The following EVA1A variants were observed in gnomAD, a reference collection of about 807,000 sequenced individuals.
The protein encoded by EVA1A is eva-1 homolog A, regulator of programmed cell death.
In EVA1A, 7 loss-of-function variants were observed where a neutral mutation model predicts 9.8. The observed-to-expected ratio is 0.71, with a 90% CI of 0.41 to 1.34. The LOEUF is 1.34. Among genes scored for constraint, EVA1A ranks in the 40% most tolerant of loss-of-function variants. The pLI, the probability that EVA1A is intolerant of heterozygous loss-of-function variation, is 0.01. For synonymous variants in EVA1A, 90 were observed against 85.6 expected, an observed-to-expected ratio of 1.05 and a Z score of -0.28; for missense variants, 206 against 205.9, an observed-to-expected ratio of 1.00 and a Z score of 0.00.
chr2:75,544,360 A>G (rs1660406610), intron 1 of EVA1A, among the ~76,000 whole-genome samples: 1 of 152,218 alleles, frequency 6.6e-6, no homozygotes, highest in Non-Finnish European at 1.5e-5. Flanking sequence ...TGACCACATA[A>G]CATGCTGTAC....
In EVA1A at chr2:75,493,071, TTGGCCAAAAAGGAGCAATCCTCC is replaced by T; in HGVS notation, c.*142_*164del. On this transcript the variant is annotated 3_prime_UTR_variant, in exon 4 of 4. Coordinates refer to ENST00000393913, the MANE Select transcript of EVA1A (RefSeq NM_001135032.2). Reference sequence around the variant, plus strand: ...TTGATTTTTCTACTTCTCCATACATTTGGCCAAAAAGGAGCAATCCTCCTGGCTAGAAAAGGGGCATGTCCTGC... The same window carrying T: ...TTGATTTTTCTACTTCTCCATACATTTGGCTAGAAAAGGGGCATGTCCTGC... 1.0e-6 allele frequency: 1 copy of T among 993,978 alleles called. No individual in the cohort carries two copies. Among genetic ancestry groups the T allele is most frequent in the Non-Finnish European group, 1.5e-6 (1 of 676,994 alleles). The allele number at this position is 993,978 out of a possible 1,614,324, so 61.6% of individuals were successfully genotyped here.
chr2:75,504,272 G>T (rs1177841343), intron 3 of EVA1A, among the ~76,000 whole-genome samples: 1 of 151,996 alleles, frequency 6.6e-6, no homozygotes. Flanking sequence ...TTAGCTGGGC[G>T]TGGTGGTGGG....
intron 1 of EVA1A, among the ~76,000 whole-genome samples, chr2:75,525,672 G>A (rs1216029691): frequency 1.3e-5 from 2 of 152,194 alleles, no homozygotes; most frequent in Non-Finnish European, 2.9e-5. Flanking sequence ...TCAGACATGG[G>A]CCTTAAAACA....
intron 1 of EVA1A, among the ~76,000 whole-genome samples, chr2:75,536,116 T>C (rs529265826): frequency 3.3e-5 from 5 of 152,270 alleles, no homozygotes; most frequent in African/African-American, 9.6e-5. Context: ...GGCGGGCAGA[T>C]TGCTTGAGCC....
At chr2:75,553,167 TCTC>T (rs929014043) in intron 1 of EVA1A, among the ~76,000 whole-genome samples, 2 of 152,260 alleles carry the variant, frequency 1.3e-5, no homozygotes, top group African/African-American at 4.8e-5. Flanking sequence ...AGGCTCCACT[TCTC>T]CTCTCATCAG....
chr2:75,505,790 G>A (rs1474664383), intron 3 of EVA1A, among the ~76,000 whole-genome samples: 1 of 151,886 alleles, frequency 6.6e-6, no homozygotes, highest in Non-Finnish European at 1.5e-5. Context: ...CTCCAGCCTG[G>A]AAGACAGAGA....
At chr2:75,536,934 G>T (rs1675927898) in intron 1 of EVA1A, among the ~76,000 whole-genome samples, 1 of 152,140 alleles carries the variant, frequency 6.6e-6, no homozygotes, top group African/African-American at 2.4e-5. Context: ...TCAGAGAAGA[G>T]GGGATACTTC....
chr2:75,520,553 G>A (rs879795002), intron 2 of EVA1A, among the ~76,000 whole-genome samples: 2 of 152,074 alleles, frequency 1.3e-5, no homozygotes, highest in African/African-American at 4.8e-5. Flanking sequence ...ATATATATAT[G>A]TTCAAATTAT....
upstream of EVA1A, among the ~76,000 whole-genome samples, chr2:75,564,876 T>C (rs1257285281): frequency 6.6e-6 from 1 of 152,162 alleles, no homozygotes; most frequent in Admixed American, 6.5e-5. Flanking sequence ...CAGACTTTGA[T>C]TACCCCCATT....
chr2:75,560,932 GAGTCAGTGGGAGGAAAA>G (rs1405968736), exon 1 of EVA1A: 1 of 152,988 alleles, frequency 6.5e-6, no homozygotes, highest in African/African-American at 2.4e-5. Flanking sequence ...GCAGGAGCCC[GAGTCAGTGGGAGGAAAA>G]GGTTGTCTCA....
Position 75,495,494 on chromosome 2 carries a change from A to G in EVA1A, c.86-1885T>C, listed in dbSNP as rs183241633. ...TGGCTTGTTCCAGGTCACGCTCACA[A>G]AGGTAATGGCATTAAGTTGTGTTTT... On this transcript the variant is annotated intron_variant, in intron 3 of 3. Coordinates refer to ENST00000393913, the MANE Select transcript of EVA1A (RefSeq NM_001135032.2). Among the ~76,000 whole-genome samples, 409 of 152,328 alleles carry G rather than the reference A, an allele frequency of 2.7e-3. 5 individuals are homozygous for G. The highest frequency in any genetic ancestry group is 9.5e-3 in the African/African-American group (396 of 41,576).
intron 3 of EVA1A, among the ~76,000 whole-genome samples, chr2:75,510,157 G>A (rs1674759909): frequency 6.6e-6 from 1 of 152,060 alleles, no homozygotes. Flanking sequence ...ATGAGCAAGT[G>A]TGATTCTATT....
intron 1 of EVA1A, among the ~76,000 whole-genome samples, chr2:75,545,084 T>G (rs1676281104): frequency 6.6e-6 from 1 of 152,236 alleles, no homozygotes; most frequent in South Asian, 2.1e-4. Flanking sequence ...GTTGGTTTGC[T>G]CTGTTATAGT....
At chr2:75,499,569 C>G (rs776402553) in intron 3 of EVA1A, among the ~76,000 whole-genome samples, 6 of 152,306 alleles carry the variant, frequency 3.9e-5, no homozygotes, top group African/African-American at 1.4e-4. Context: ...GATAAAATAT[C>G]TCCCAAGGGT....
rs1426087684 is a variant in EVA1A at position 75,492,418 on chromosome 2, A to AAC, written c.*817_*818insGT. On this transcript the variant is annotated 3_prime_UTR_variant, in exon 4 of 4. Coordinates refer to ENST00000393913, the MANE Select transcript of EVA1A (RefSeq NM_001135032.2). Reference sequence around the variant, plus strand: ...TTTTCTTTGAAATCCAATTAAAAAAAAAAAAAAAAACAAAGTGTTTAAAAT... The same window carrying AAC: ...TTTTCTTTGAAATCCAATTAAAAAAAACAAAAAAAAAACAAAGTGTTTAAAAT... 1 of 151,928 alleles carries AAC rather than the reference A, an allele frequency of 6.6e-6. No homozygotes were observed. Among genetic ancestry groups the AAC allele is most frequent in the African/African-American group, 2.4e-5 (1 of 41,362 alleles). The allele number at this position is 151,928 out of a possible 1,614,324, so 9.4% of individuals were successfully genotyped here.
chr2:75,543,930 C>A (rs1261471667), intron 1 of EVA1A, among the ~76,000 whole-genome samples: 3 of 152,180 alleles, frequency 2.0e-5, no homozygotes, highest in East Asian at 1.9e-4. Context: ...TCAACTTATT[C>A]ATTTCAAGGG....
chr2:75,528,571 T>C (rs1163748648), intron 1 of EVA1A, among the ~76,000 whole-genome samples: 1 of 152,144 alleles, frequency 6.6e-6, no homozygotes, highest in Non-Finnish European at 1.5e-5. Flanking sequence ...CATAACTCCA[T>C]TGGCCTGAGA....
chr2:75,494,516 C>A lies in EVA1A; in HGVS notation c.86-907G>T, dbSNP rs2103762984. Among the ~76,000 whole-genome samples, 2 of 152,272 alleles carry A rather than the reference C, an allele frequency of 1.3e-5. 1 individual carries two copies. Among genetic ancestry groups the A allele is most frequent in the South Asian group, 4.1e-4 (2 of 4,824 alleles). ...GAAGCCAGCTGCCATGTGTGAGCTG[C>A]CTTATGGGGAAGTCCAAGTGGCAAG... On this transcript the variant is annotated intron_variant, in intron 3 of 3. Transcript: ENST00000393913.
At chr2:75,517,884 G>A (rs183614616) in intron 3 of EVA1A, 172 bp downstream of exon 3, 23 of 795,960 alleles carry the variant, frequency 2.9e-5, no homozygotes, top group South Asian at 2.5e-4. Flanking sequence ...AGAATGACAA[G>A]CTTAACTCCC....
Sources: gnomAD v4.1 joint callset for allele counts (sites outside exome capture counted in the v4.1 genomes callset) on GRCh38, gnomAD v4.1.1 for gene constraint, MANE v1.5 for transcripts, NCBI Gene and HGNC (gene_info 2026-07-23, HGNC 2026-07-21) for gene names.